CEP112: variants seen among roughly 807,000 people sequenced by gnomAD.
The protein encoded by CEP112 is centrosomal protein of 112 kDa.
CEP112 carries 127 observed loss-of-function variants against 153.0 expected under a neutral mutation model. The observed-to-expected ratio is 0.83, with a 90% CI of 0.72 to 0.96. CEP112 has a LOEUF of 0.96. Ranked by LOEUF, CEP112 falls within the 40% of genes least tolerant of loss-of-function variation. The probability of loss-of-function intolerance (pLI) is 0.00; values close to 1 mark genes in which losing one functional copy is unlikely to be tolerated. For synonymous variants in CEP112, 358 were observed against 374.4 expected (o/e 0.96, Z 0.51); for missense variants, 1,089 against 1,101.2 (o/e 0.99, Z 0.16).
At chr17:65,734,819 T>C (rs1352150768) in intron 23 of CEP112, among the ~76,000 whole-genome samples, 1 of 152,216 alleles carries the variant, frequency 6.6e-6, no homozygotes, top group Non-Finnish European at 1.5e-5. Flanking sequence ...ATGCCAAAAC[T>C]TGACAAGTGG....
In CEP112 at chr17:65,837,009, T is replaced by C. The variant is rs548769634; in HGVS notation, c.2394+14795A>G. Among the ~76,000 whole-genome samples the C allele has an allele frequency of 7.9e-3, 1,206 of 152,300 alleles. 10 individuals carry two copies. The highest frequency in any genetic ancestry group is 0.019 in the South Asian group (94 of 4,826). The stretch of plus-strand genomic sequence containing the variant: ...TGGTGGAGACGGGGTTTCGCCGTGT[T>C]GGCCGGGCTGGTCTCCAGCTCCTAA... On this transcript the variant is annotated intron_variant, in intron 21 of 26. Coordinates refer to ENST00000535342, the MANE Select transcript of CEP112 (RefSeq NM_001199165.4).
intron 20 of CEP112, among the ~76,000 whole-genome samples, chr17:65,861,908 G>T (rs150825100): frequency 3.9e-5 from 6 of 152,312 alleles, no homozygotes; most frequent in African/African-American, 1.4e-4. Flanking sequence ...CCAGGCACAT[G>T]CCCAATAATG....
intron 6 of CEP112, among the ~76,000 whole-genome samples, chr17:66,118,414 A>C (rs777402881): frequency 3.3e-5 from 5 of 152,088 alleles, no homozygotes; most frequent in Middle Eastern, 3.2e-3. Flanking sequence ...CATGAATAGA[A>C]CTGGAAGACA....
At chr17:65,912,820 G>C (rs1332327050) in intron 19 of CEP112, among the ~76,000 whole-genome samples, 1 of 152,140 alleles carries the variant, frequency 6.6e-6, no homozygotes, top group Non-Finnish European at 1.5e-5. Flanking sequence ...TTTTTCTACA[G>C]GGCTTGCCAG....
intron 18 of CEP112, among the ~76,000 whole-genome samples, chr17:65,928,373 A>G (rs2061003876): frequency 6.6e-6 from 1 of 152,242 alleles, no homozygotes; most frequent in African/African-American, 2.4e-5. Context: ...TCTGTCTGAC[A>G]ATTCCTCAAA....
chr17:65,805,340 G>A (rs1005939901), intron 21 of CEP112, among the ~76,000 whole-genome samples: 7 of 152,150 alleles, frequency 4.6e-5, no homozygotes, highest in African/African-American at 1.7e-4. Context: ...GCTACTTGTT[G>A]TATAAACTCA....
intron 12 of CEP112, chr17:66,043,120 G>T: frequency 1.0e-6 from 1 of 970,770 alleles, no homozygotes; most frequent in Non-Finnish European, 1.2e-6. Context: ...GAGGATCATG[G>T]ATGGAATTCA....
chr17:65,643,589 T>C (rs1270972804), intron 24 of CEP112, among the ~76,000 whole-genome samples: 1 of 152,034 alleles, frequency 6.6e-6, no homozygotes, highest in African/African-American at 2.4e-5. Flanking sequence ...GCGTGAGCCA[T>C]GACACCCGGG....
intron 24 of CEP112, among the ~76,000 whole-genome samples, chr17:65,663,623 C>A (rs532557265): frequency 6.6e-6 from 1 of 152,274 alleles, no homozygotes; most frequent in Admixed American, 6.5e-5. Flanking sequence ...TGCAACCCAG[C>A]ACAGAACTAG....
intron 20 of CEP112, among the ~76,000 whole-genome samples, chr17:65,877,457 C>A (rs2058875391): frequency 6.6e-6 from 1 of 152,212 alleles, no homozygotes; most frequent in Non-Finnish European, 1.5e-5. Flanking sequence ...CTCCCTTACT[C>A]TTAAAGTAGT....
At chr17:66,006,126 C>T (rs2145448761) in intron 16 of CEP112, among the ~76,000 whole-genome samples, 1 of 151,926 alleles carries the variant, frequency 6.6e-6, no homozygotes, top group South Asian at 2.1e-4. Flanking sequence ...GTCTATATTC[C>T]CTGAACACAT....
chr17:65,988,828 T>C (rs1005714383), intron 17 of CEP112, among the ~76,000 whole-genome samples: 6 of 150,986 alleles, frequency 4.0e-5, no homozygotes, highest in African/African-American at 7.3e-5. Context: ...CAAGAGGGAG[T>C]TGAGAAACAG....
intron 16 of CEP112, among the ~76,000 whole-genome samples, chr17:66,018,925 T>C (rs1295300717): frequency 6.6e-6 from 1 of 152,214 alleles, no homozygotes; most frequent in Admixed American, 6.5e-5. Flanking sequence ...CAATAGGTTA[T>C]CTGTAGGGGG....
chr17:65,686,813 C>T (rs1292922664), intron 24 of CEP112, among the ~76,000 whole-genome samples: 1 of 152,116 alleles, frequency 6.6e-6, no homozygotes, highest in Non-Finnish European at 1.5e-5. Flanking sequence ...AATACAATGT[C>T]TGTTTGCCTG....
At chr17:65,758,361 C>T (rs1299845407) in intron 21 of CEP112, among the ~76,000 whole-genome samples, 1 of 152,090 alleles carries the variant, frequency 6.6e-6, no homozygotes, top group African/African-American at 2.4e-5. Context: ...TGTATTGGTT[C>T]ACTTTTAATT....
At chr17:66,018,099 A>C (rs767018789) in intron 16 of CEP112, among the ~76,000 whole-genome samples, 4 of 152,206 alleles carry the variant, frequency 2.6e-5, no homozygotes, top group Non-Finnish European at 5.9e-5. Flanking sequence ...TTTTTAATGT[A>C]CAAATGGTAG....
chr17:66,092,356 A>AACACACACACAT (rs2068173079), intron 8 of CEP112, among the ~76,000 whole-genome samples: 1 of 135,064 alleles, frequency 7.4e-6, no homozygotes, highest in African/African-American at 2.9e-5. Context: ...CATTAATTTA[A>AACACACACACAT]ACACACACAC....
rs913487676 is a variant in CEP112, at chr17:65,737,985, C to T, written c.2607+5083G>A. Among the ~76,000 whole-genome samples the T allele has an allele frequency of 5.3e-5, 8 of 152,166 alleles. No homozygotes were observed. In the East Asian group the frequency reaches 1.5e-3, roughly 29 times the overall value. On this transcript the variant is annotated intron_variant, in intron 23 of 26. Coordinates refer to ENST00000535342, the MANE Select transcript of CEP112 (RefSeq NM_001199165.4). ...TCTAGCCCAGGCTTCTCATAGCAAC[C>T]TTAAATGCTCGATGAGCCGTGTTTA...
chr17:65,729,407 T>G (rs970826251), intron 23 of CEP112, among the ~76,000 whole-genome samples: 1 of 152,076 alleles, frequency 6.6e-6, no homozygotes, highest in East Asian at 1.9e-4. Flanking sequence ...ATGAGGCTGG[T>G]GCAAAAGTAA....
Sources: allele counts gnomAD v4.1 joint callset (sites outside exome capture counted in the v4.1 genomes callset), GRCh38; gene constraint gnomAD v4.1.1; transcripts MANE v1.5; gene names NCBI Gene and HGNC (gene_info 2026-07-23, HGNC 2026-07-21).